Variants in TNXB observed in about 807,000 individuals in gnomAD.
TNXB encodes tenascin-X.
Under a neutral mutation model 340.5 loss-of-function variants are expected in TNXB, and 183 were observed. The ratio of observed to expected loss-of-function variants is 0.54; its 90% CI spans 0.48 to 0.61. The LOEUF is 0.61. Ranked by LOEUF, TNXB falls within the 20% of genes least tolerant of loss-of-function variation. The pLI is 0.00. For synonymous variants in TNXB, 2,121 were observed against 2,314.5 expected, an observed-to-expected ratio of 0.92 and a Z score of 2.40; for missense variants, 4,613 against 5,446.4, an observed-to-expected ratio of 0.85 and a Z score of 4.82.
In TNXB at chr6:32,050,333, C is replaced by G; in HGVS notation, c.9116-12G>C. 1 of 1,608,960 alleles carries G rather than the reference C, an allele frequency of 6.2e-7. No individual in the cohort carries two copies. Among genetic ancestry groups the G allele is most frequent in the South Asian group, 1.1e-5 (1 of 91,026 alleles). On this transcript the variant is annotated splice_polypyrimidine_tract_variant and intron_variant, in intron 26 of 43. Transcript: ENST00000644971. ...TTCATCCTTTGGAGCTGGACAGACA[C>G]GTGTGGGGACAGTGAGGACCCTGGG...
rs1488856154 is a variant in TNXB at position 32,051,907 on chromosome 6, T to C, written c.9115+763A>G. The stretch of plus-strand genomic sequence containing the variant: ...CATAGAGACAGAGAGTAGAATGGTG[T>C]TGCCAGGGGCTGGGGCAAGGGGAGA... On this transcript the variant is annotated intron_variant, in intron 26 of 43. Transcript: ENST00000644971. The surrounding 1 kb of genome is among the most constrained non-coding windows in gnomAD (Gnocchi z 4.7). Among the ~76,000 whole-genome samples, 1 of 152,140 alleles carries C rather than the reference T, an allele frequency of 6.6e-6. No homozygotes were observed. The highest frequency in any genetic ancestry group is 2.4e-5 in the African/African-American group (1 of 41,418).
intron 26 of TNXB, among the ~76,000 whole-genome samples, chr6:32,050,618 C>T (rs944240586): frequency 6.6e-6 from 1 of 151,958 alleles, no homozygotes; most frequent in Non-Finnish European, 1.5e-5. Flanking sequence ...ACCCTCCCTG[C>T]ACTGGGGTCT....
At position 32,080,069 on chromosome 6, in the gene TNXB, T is replaced by C. The variant is rs1432248711; in HGVS notation, c.4043-704A>G. 6.6e-6 allele frequency among the ~76,000 whole-genome samples: 1 copy of C among 152,068 alleles called. No homozygotes were observed. Among genetic ancestry groups the C allele is most frequent in the African/African-American group, 2.4e-5 (1 of 41,384 alleles). ...AGATTGAGGAAAGAATTGGCAAGAA[T>C]GACAACCCAGAGGAAGGGAGGGAGG... On this transcript the variant is annotated intron_variant, in intron 10 of 43. Transcript: ENST00000644971. The surrounding 1 kb of genome is among the most constrained non-coding windows in gnomAD (Gnocchi z 4.3).
In TNXB at chr6:32,041,177, T is replaced by G; in HGVS notation, c.*172A>C. On this transcript the variant is annotated 3_prime_UTR_variant, in exon 44 of 44. Transcript: ENST00000644971. ...CAGCCGGGTACCTCAGTTTCTCCTT[T>G]ATTGCTCCCGTACGAACCCCTCCCC... The G allele has an allele frequency of 2.8e-6, 4 of 1,431,526 alleles. No individual in the cohort carries two copies. Among genetic ancestry groups the G allele is most frequent in the Non-Finnish European group, 3.9e-6 (4 of 1,020,952 alleles). The allele number at this position is 1,431,526 out of a possible 1,614,324, so 88.7% of individuals were successfully genotyped here.
rs188124424 is a variant in TNXB at position 32,069,649 on chromosome 6, C to A, written c.5491G>T (p.Val1831Leu). The change falls in exon 15 of 44, where the codon GTG becomes TTG. Residue 1831 changes from valine (V) to leucine (L), a missense_variant. By Grantham distance (32) the Val-to-Leu change is conservative. Coordinates refer to ENST00000644971, the MANE Select transcript of TNXB (RefSeq NM_001365276.2). This position sits in a 1 kb window ranked among gnomAD's most constrained non-coding sequence, Gnocchi z 6.2. ...PVEGSLREVS[V>L]PGLDPAHRYK... ...CTGTGGGCAGGGTCCAGGCCCGGCA[C>A]GCTGACCTCCCTGAGGCTGCCCTCC... 5.0e-6 allele frequency: 8 copies of A among 1,612,910 alleles called. No homozygotes were observed. Among genetic ancestry groups the A allele is most frequent in the Non-Finnish European group, 6.8e-6 (8 of 1,179,550 alleles).
rs537937067 is a variant in TNXB, at chr6:32,103,301, G to A, written c.-8-5095C>T. 3.2e-3 allele frequency among the ~76,000 whole-genome samples: 485 copies of A among 151,848 alleles called. 1 individual carries two copies. Among genetic ancestry groups the A allele is most frequent in the Non-Finnish European group, 6.2e-3 (423 of 67,936 alleles). ...AAAAATTAGCTGGGCATGGTGGCAG[G>A]TGCCTGTAATCCCAGCTACTTGGGA... On this transcript the variant is annotated intron_variant, in intron 1 of 43. Coordinates refer to ENST00000644971, the MANE Select transcript of TNXB (RefSeq NM_001365276.2).
chr6:32,079,376 A>T lies in TNXB; in HGVS notation c.4043-11T>A. On this transcript the variant is annotated splice_polypyrimidine_tract_variant and intron_variant, in intron 10 of 43. Coordinates refer to ENST00000644971, the MANE Select transcript of TNXB (RefSeq NM_001365276.2). This position sits in a 1 kb window ranked among gnomAD's most constrained non-coding sequence, Gnocchi z 7.1. ...CATCCTCCTGAGGAGCTGAGAGAAG[A>T]GATAGAGGCATAAAGGGCTGCTGGC... The T allele has an allele frequency of 4.4e-6, 7 of 1,589,604 alleles. No individual in the cohort carries two copies. Among genetic ancestry groups the T allele is most frequent in the Non-Finnish European group, 6.0e-6 (7 of 1,167,168 alleles).
In TNXB at chr6:32,061,663, G is replaced by T. The variant is rs1196474149; in HGVS notation, c.7226C>A (p.Pro2409His). The change falls in exon 21 of 44, where the codon CCT becomes CAT. Residue 2409 changes from proline to histidine, a missense_variant. By Grantham distance (77) the Pro-to-His change is moderately conservative. Transcript: ENST00000644971. The surrounding 1 kb of genome is among the most constrained non-coding windows in gnomAD (Gnocchi z 4.4). Reference protein sequence around the residue: ...TEPSMEAPEPPEEPLLGELTV... With the variant: ...TEPSMEAPEPHEEPLLGELTV... ...TAGCTCCCCCAGGAGCGGCTCCTCA[G>T]GGGGCTCCGGGGCCTCCATGCTGGG... 1 of 1,612,666 alleles carries T rather than the reference G, an allele frequency of 6.2e-7. No individual in the cohort carries two copies. Among genetic ancestry groups the T allele is most frequent in the Non-Finnish European group, 8.5e-7 (1 of 1,179,812 alleles).
rs1777822735 is a variant in TNXB at position 32,058,511 on chromosome 6, A to C, written c.7493-121T>G. 1.2e-6 allele frequency: 1 copy of C among 859,004 alleles called. No individual in the cohort carries two copies. The allele number at this position is 859,004 out of a possible 1,614,324, so 53.2% of individuals were successfully genotyped here. A position where few individuals can be genotyped will look rare whatever the true frequency, so the allele number is the denominator to read the frequency against. Reference sequence around the variant, plus strand: ...TCCAGAGCAGGCTGAGGGCTGGGGCAGCTTTGTGTTCGCCGTTCAGTGACT... The same window carrying C: ...TCCAGAGCAGGCTGAGGGCTGGGGCCGCTTTGTGTTCGCCGTTCAGTGACT... On this transcript the variant is annotated intron_variant, in intron 21 of 43. Coordinates refer to ENST00000644971, the MANE Select transcript of TNXB (RefSeq NM_001365276.2). The surrounding 1 kb of genome is among the most constrained non-coding windows in gnomAD (Gnocchi z 5.1).
In TNXB at chr6:32,049,021, G is replaced by A. The variant is rs1014706896; in HGVS notation, c.9757+249C>T. ...AGGGAGCCTGAAGACTAACAAATGA[G>A]CACACGAGCAACATGGAGGTTCCAG... On this transcript the variant is annotated intron_variant, in intron 28 of 43. Transcript: ENST00000644971. The surrounding 1 kb of genome is among the most constrained non-coding windows in gnomAD (Gnocchi z 4.5). 6.6e-6 allele frequency among the ~76,000 whole-genome samples: 1 copy of A among 152,184 alleles called. No homozygotes were observed. Among genetic ancestry groups the A allele is most frequent in the Non-Finnish European group, 1.5e-5 (1 of 68,040 alleles).
chr6:32,070,834 C>T lies in TNXB; in HGVS notation c.4991-420G>A, dbSNP rs2151917698. Among the ~76,000 whole-genome samples, 1 of 152,312 alleles carries T rather than the reference C, an allele frequency of 6.6e-6. No individual in the cohort carries two copies. Among genetic ancestry groups the T allele is most frequent in the East Asian group, 1.9e-4 (1 of 5,180 alleles). On this transcript the variant is annotated intron_variant, in intron 13 of 43. Coordinates refer to ENST00000644971, the MANE Select transcript of TNXB (RefSeq NM_001365276.2). The surrounding 1 kb of genome is among the most constrained non-coding windows in gnomAD (Gnocchi z 6.0). ...GGCCGGCCCCGAGGAGCGCAGGATC[C>T]CTGATGGGGGCACTCGGCAGGTCAG...
chr6:32,044,291 C>G (rs549346253), intron 33 of TNXB, 90 bp downstream of exon 33: 2 of 500,712 alleles, frequency 4.0e-6, no homozygotes, highest in Non-Finnish European at 6.8e-6. Flanking sequence ...ACCACCAACT[C>G]GCCCACCCCC....
rs1778892112 is a variant in TNXB, at chr6:32,073,491, G to A, written c.4681+156C>T. 1.3e-5 allele frequency among the ~76,000 whole-genome samples: 2 copies of A among 151,954 alleles called. 1 individual carries two copies. The highest frequency in any genetic ancestry group is 4.2e-4 in the South Asian group (2 of 4,808). Reference sequence around the variant, plus strand: ...CCCTGGGAGGAGTAAAGGGGTCAGGGAACAGAAAGACTGGCAGGGTCACCG... The same window carrying A: ...CCCTGGGAGGAGTAAAGGGGTCAGGAAACAGAAAGACTGGCAGGGTCACCG... On this transcript the variant is annotated intron_variant, in intron 12 of 43. Transcript: ENST00000644971. The surrounding 1 kb of genome is among the most constrained non-coding windows in gnomAD (Gnocchi z 4.6).
In TNXB at chr6:32,081,473, C is replaced by T; in HGVS notation, c.3937G>A (p.Glu1313Lys). 1 of 1,601,792 alleles carries T rather than the reference C, an allele frequency of 6.2e-7. No homozygotes were observed. The highest frequency in any genetic ancestry group is 8.5e-7 in the Non-Finnish European group (1 of 1,174,224). ...GGATCCAGGCCGGGGACAGTAACCT[C>T]ATTCTCATCCCCCGCAACAGGCACT... ...QAVPVAGDEN[E>K]VTVPGLDPDR... Residue 1313 changes from glutamate to lysine, a missense_variant, in exon 10 of 44, where the codon GAG becomes AAG. Transcript: ENST00000644971. The surrounding 1 kb of genome is among the most constrained non-coding windows in gnomAD (Gnocchi z 5.1).
rs771985056 is a variant in TNXB at position 32,047,694 on chromosome 6, A to T, written c.10324+40T>A. 6.5e-7 allele frequency: 1 copy of T among 1,546,384 alleles called. No homozygotes were observed. The highest frequency in any genetic ancestry group is 8.7e-7 in the Non-Finnish European group (1 of 1,145,128). ...GGCCAGCTCTGAGGGCTCGGATGAG[A>T]GGCAGCTCTGGAAAAGGTGGAGGCT... On this transcript the variant is annotated intron_variant, in intron 30 of 43. Coordinates refer to ENST00000644971, the MANE Select transcript of TNXB (RefSeq NM_001365276.2). The surrounding 1 kb of genome is among the most constrained non-coding windows in gnomAD (Gnocchi z 6.2).
Position 32,085,826 on chromosome 6 carries a change from G to A in TNXB, c.3072C>T (p.Thr1024=). The part of the protein sequence containing the change: ...QALVPPPPPG[T]PYELSLHGVP... ...CCCCATGAAGTGACAGCTCATACGGGGTTCCAGGAGGGGGTGGAGGCACCA... is the reference window on the plus strand; with the variant it reads ...CCCCATGAAGTGACAGCTCATACGGAGTTCCAGGAGGGGGTGGAGGCACCA... The change falls in exon 7 of 44, where the codon ACC becomes ACT. Residue 1024 remains threonine, a synonymous_variant. Transcript: ENST00000644971. This position sits in a 1 kb window ranked among gnomAD's most constrained non-coding sequence, Gnocchi z 6.4. 1 of 1,604,564 alleles carries A rather than the reference G, an allele frequency of 6.2e-7. No individual in the cohort carries two copies. The highest frequency in any genetic ancestry group is 8.5e-7 in the Non-Finnish European group (1 of 1,176,478).
chr6:32,076,875 G>A (rs374571611), intron 11 of TNXB, among the ~76,000 whole-genome samples: 1 of 152,280 alleles, frequency 6.6e-6, no homozygotes, highest in East Asian at 1.9e-4. Context: ...CCAGCTACTT[G>A]GGGGGCTGAG....
chr6:32,106,975 G>C (rs1269253101), intron 1 of TNXB, among the ~76,000 whole-genome samples: 5 of 152,194 alleles, frequency 3.3e-5, no homozygotes, highest in African/African-American at 4.8e-5. Context: ...GTACACATAT[G>C]GGTGCCCATG....
chr6:32,046,399 G>T lies in TNXB; in HGVS notation c.10382C>A (p.Thr3461Asn). Residue 3461 changes from threonine to asparagine, a missense_variant, in exon 31 of 44, where the codon ACC (threonine) becomes AAC (asparagine). Physicochemically the swap from Thr to Asn is moderately conservative, Grantham distance 65. Coordinates refer to ENST00000644971, the MANE Select transcript of TNXB (RefSeq NM_001365276.2). This position sits in a 1 kb window ranked among gnomAD's most constrained non-coding sequence, Gnocchi z 6.9. ...CCAGGACAGGCGCAGAGAGCTGGAG[G>T]TCTCCTCAGCCACGGTCAGTTCCCC... Reference protein sequence around the residue: ...HLGELTVAEETSSSLRLSWTV... With the variant: ...HLGELTVAEENSSSLRLSWTV... 2 of 1,586,052 alleles carry T rather than the reference G, an allele frequency of 1.3e-6. No individual in the cohort carries two copies. Among genetic ancestry groups the T allele is most frequent in the Non-Finnish European group, 1.7e-6 (2 of 1,161,490 alleles).
Sources: gnomAD v4.1 joint callset for allele counts (sites outside exome capture counted in the v4.1 genomes callset) on GRCh38, gnomAD v4.1.1 for gene constraint, Gnocchi (gnomAD v3.1) non-coding constraint, MANE v1.5 for transcripts, NCBI Gene and HGNC (gene_info 2026-07-23, HGNC 2026-07-21) for gene names.